The following COPRS variants were observed in gnomAD, a reference collection of about 807,000 sequenced individuals.
The protein encoded by COPRS is cooperator of PRMT5.
A neutral mutation model predicts 19.9 loss-of-function variants in COPRS; 11 were observed. That is an observed-to-expected ratio of 0.55 (90% CI 0.35 to 0.92). The LOEUF is 0.92. Among genes scored for constraint, COPRS ranks in the 40% least tolerant of loss-of-function variants. The probability of loss-of-function intolerance (pLI) is 0.01; values close to 1 mark genes in which losing one functional copy is unlikely to be tolerated. For missense variants in COPRS, 225 were observed against 229.9 expected (o/e 0.98, Z 0.14); for synonymous variants, 81 against 82.7 (o/e 0.98, Z 0.11).
intron 2 of COPRS, among the ~76,000 whole-genome samples, chr17:31,855,503 A>AC (rs1399532926): frequency 6.6e-6 from 1 of 151,200 alleles, no homozygotes; most frequent in African/African-American, 2.4e-5. Flanking sequence ...CGTCTCAAAA[A>AC]ATAAATAAAT....
rs558106997 is a variant in COPRS at position 31,855,247 on chromosome 17, C to G, written c.166+1552G>C. On this transcript the variant is annotated intron_variant, in intron 2 of 3. Transcript: ENST00000302362. The stretch of plus-strand genomic sequence containing the variant: ...AAAAATTAGGCCGGGAGCAGTGGCT[C>G]ACGCCTGTAATCCCAGCACTTTGGG... Among the ~76,000 whole-genome samples, 7 of 152,222 alleles carry G rather than the reference C, an allele frequency of 4.6e-5. No individual in the cohort carries two copies. The South Asian group carries it at 1.2e-3, about 27-fold the overall frequency.
chr17:31,855,384 G>A (rs1407852815), intron 2 of COPRS, among the ~76,000 whole-genome samples: 1 of 152,184 alleles, frequency 6.6e-6, no homozygotes, highest in African/African-American at 2.4e-5. Flanking sequence ...GCGGGTGCCT[G>A]TGGTCCCAGC....
chr17:31,851,981 G>A lies in COPRS; in HGVS notation c.*158C>T, dbSNP rs1909177654. 1.4e-6 allele frequency: 1 copy of A among 702,824 alleles called. No homozygotes were observed. Among genetic ancestry groups the A allele is most frequent in the Admixed American group, 2.9e-5 (1 of 34,000 alleles). 43.5% of individuals were successfully genotyped at this position (702,824 alleles called of 1,614,324 possible). On this transcript the variant is annotated 3_prime_UTR_variant, in exon 4 of 4. Coordinates refer to ENST00000302362, the MANE Select transcript of COPRS (RefSeq NM_018405.4). ...CAACAACAGACTGGCGAGAATGACG[G>A]GGCCTTATTGAACACTGTCAATAAG...
In COPRS at chr17:31,852,188, T is replaced by C. The variant is rs754791467; in HGVS notation, c.506A>G (p.Tyr169Cys). Reference sequence around the variant, plus strand: ...TCCTGTTTCAAAGACCATCTTGGAATAATAGGGTATCAGTGGAGGCGGATG... The same window carrying C: ...TCCTGTTTCAAAGACCATCTTGGAACAATAGGGTATCAGTGGAGGCGGATG... Reference protein sequence around the residue: ...WHHPPPLIPYYSKMVFETGQF... With the variant: ...WHHPPPLIPYCSKMVFETGQF... Residue 169 changes from tyrosine (Y) to cysteine (C), a missense_variant, in exon 4 of 4, where the codon TAT becomes TGT. Tyr to Cys is a radical substitution (Grantham distance 194). Coordinates refer to ENST00000302362, the MANE Select transcript of COPRS (RefSeq NM_018405.4). 3.1e-6 allele frequency: 5 copies of C among 1,614,022 alleles called. No individual in the cohort carries two copies. In the African/African-American group the frequency reaches 5.3e-5, roughly 17 times the overall value.
In COPRS at chr17:31,856,205, C is replaced by T. The variant is rs367747298; in HGVS notation, c.166+594G>A. On this transcript the variant is annotated intron_variant, in intron 2 of 3. Coordinates refer to ENST00000302362, the MANE Select transcript of COPRS (RefSeq NM_018405.4). ...CAAAAGTTAGCTGGGTGTGGTGGCG[C>T]GTGCCTGTAGTTCCAGCTACTCGGG... Among the ~76,000 whole-genome samples the T allele has an allele frequency of 4.4e-4, 66 of 151,212 alleles. 1 individual carries two copies. In the South Asian group the frequency reaches 0.012, roughly 27 times the overall value.
In COPRS at chr17:31,852,799, A is replaced by C. The variant is rs1023356919; in HGVS notation, c.385+13T>G. 6.3e-7 allele frequency: 1 copy of C among 1,597,464 alleles called. No homozygotes were observed. Among genetic ancestry groups the C allele is most frequent in the African/African-American group, 1.3e-5 (1 of 74,400 alleles). Reference sequence around the variant, plus strand: ...AAGGCCTAGTTCAGGACCCCCAGAGACTCCACACCTACCATATGGATTCCC... The same window carrying C: ...AAGGCCTAGTTCAGGACCCCCAGAGCCTCCACACCTACCATATGGATTCCC... On this transcript the variant is annotated intron_variant, in intron 3 of 3. Coordinates refer to ENST00000302362, the MANE Select transcript of COPRS (RefSeq NM_018405.4).
chr17:31,854,187 C>T (rs2344310), intron 2 of COPRS, among the ~76,000 whole-genome samples: 99,035 of 151,350 alleles, frequency 0.65, 32,808 homozygotes, highest in Non-Finnish European at 0.71. Flanking sequence ...TGAACAATGT[C>T]GCAAACCCTG....
At chr17:31,852,570 TAGC>T (rs1909198861) in intron 3 of COPRS, among the ~76,000 whole-genome samples, 1 of 152,196 alleles carries the variant, frequency 6.6e-6, no homozygotes, top group African/African-American at 2.4e-5. Context: ...GCTCAATTCA[TAGC>T]AGAGATTTTT....
intron 2 of COPRS, among the ~76,000 whole-genome samples, chr17:31,854,143 T>C (rs1909249741): frequency 6.6e-6 from 1 of 151,862 alleles, no homozygotes; most frequent in African/African-American, 2.4e-5. Flanking sequence ...CCAAGGTGGG[T>C]GGACTGCTTG....
At chr17:31,856,329 G>A (rs570039328) in intron 2 of COPRS, among the ~76,000 whole-genome samples, 4 of 151,030 alleles carry the variant, frequency 2.6e-5, no homozygotes, top group South Asian at 2.1e-4. Flanking sequence ...GCGAGACTCC[G>A]TTTCAAAAAA....
In COPRS at chr17:31,852,250, G is replaced by C. The variant is rs1449838410; in HGVS notation, c.444C>G (p.Ala148=). 6.2e-7 allele frequency: 1 copy of C among 1,613,988 alleles called. No homozygotes were observed. The highest frequency in any genetic ancestry group is 1.3e-5 in the African/African-American group (1 of 75,002). ...GGTCATAGATCATGTCTCCTTGTGG[G>C]GCACAGCACACCCAAGGTTTAAGCT... ...SQELKPWVCC[A]PQGDMIYDPS... The change falls in exon 4 of 4, where the codon GCC becomes GCG. Residue 148 remains alanine, a synonymous_variant. Coordinates refer to ENST00000302362, the MANE Select transcript of COPRS (RefSeq NM_018405.4).
At chr17:31,854,712 G>C (rs146892376) in intron 2 of COPRS, among the ~76,000 whole-genome samples, 91 of 152,266 alleles carry the variant, frequency 6.0e-4, no homozygotes, top group African/African-American at 2.1e-3. Flanking sequence ...GACACAAAAG[G>C]CCACATATTG....
chr17:31,856,840 G>C lies in COPRS; in HGVS notation c.125C>G (p.Ser42Cys), dbSNP rs755216851. The C allele has an allele frequency of 1.9e-6, 3 of 1,606,766 alleles. No homozygotes were observed. Among genetic ancestry groups the C allele is most frequent in the Non-Finnish European group, 2.6e-6 (3 of 1,174,420 alleles). The change falls in exon 2 of 4, where the codon TCC becomes TGC. Residue 42 changes from serine to cysteine, a missense_variant. Around this residue, in one of 3 missense-constraint regions of COPRS, gnomAD observed 4 missense variants for 19.2 expected, o/e 0.21. Transcript: ENST00000302362. ...CTTCTCAGTCTCTCTCTCCTGACTG[G>C]AGTGGTCAGCTGTAGCAAAGCCAGC... ...PEAGFATADH[S>C]SQERETEKAM...
chr17:31,856,907 G>A (rs1909374764), intron 1 of COPRS, 42 bp from the exon 2 acceptor site: 3 of 1,245,966 alleles, frequency 2.4e-6, no homozygotes, highest in South Asian at 1.2e-5. Context: ...TGGGTATCTG[G>A]GGTATGCCCA....
Position 31,852,981 on chromosome 17 carries a change from G to A in COPRS, c.216C>T (p.Gly72=). The A allele has an allele frequency of 6.2e-7, 1 of 1,614,146 alleles. No individual in the cohort carries two copies. The highest frequency in any genetic ancestry group is 8.5e-7 in the Non-Finnish European group (1 of 1,179,982). Residue 72 remains glycine (G), a synonymous_variant, in exon 3 of 4, where the codon GGC becomes GGT. Transcript: ENST00000302362. ...IPNDSPARGE[G]THSEEEGFAM... is the part of the protein sequence containing the mutation. ...CAAAGCCTTCCTCTTCAGAATGGGT[G>A]CCCTCACCCCGGGCAGGACTGTCAT...
chr17:31,852,837 C>T lies in COPRS; in HGVS notation c.360G>A (p.Leu120=), dbSNP rs754103090. ...DLFNEDWDSE[L]KADQGNPYDA... Reference sequence around the variant, plus strand: ...CATATGGATTCCCTTGATCTGCTTTCAACTCCGAGTCCCAGTCCTCATTAA... The same window carrying T: ...CATATGGATTCCCTTGATCTGCTTTTAACTCCGAGTCCCAGTCCTCATTAA... The change falls in exon 3 of 4, where the codon TTG becomes TTA. Residue 120 remains leucine, a synonymous_variant. Transcript: ENST00000302362. 6.2e-7 allele frequency: 1 copy of T among 1,614,100 alleles called. No homozygotes were observed.
At chr17:31,854,000 A>T (rs1338726693) in intron 2 of COPRS, among the ~76,000 whole-genome samples, 1 of 152,206 alleles carries the variant, frequency 6.6e-6, no homozygotes, top group African/African-American at 2.4e-5. Flanking sequence ...AGTGATAAGC[A>T]ATAAAGTGAT....
chr17:31,852,348 AG>A (rs1567768449), intron 3 of COPRS, 40 bp from the exon 4 acceptor site: 1 of 1,534,580 alleles, frequency 6.5e-7, no homozygotes, highest in African/African-American at 1.4e-5. Flanking sequence ...GGAAGGAAGG[AG>A]GGAAGGAAGG....
In COPRS at chr17:31,852,854, C is replaced by A. The variant is rs1417990975; in HGVS notation, c.343G>T (p.Asp115Tyr). The A allele has an allele frequency of 1.2e-6, 2 of 1,614,182 alleles. No homozygotes were observed. The highest frequency in any genetic ancestry group is 1.7e-5 in the Admixed American group (1 of 60,010). Reference protein sequence around the residue: ...KEQPGDLFNEDWDSELKADQG... With the variant: ...KEQPGDLFNEYWDSELKADQG... ...TCTGCTTTCAACTCCGAGTCCCAGTCCTCATTAAAAAGATCGCCAGGCTGT... is the reference window on the plus strand; with the variant it reads ...TCTGCTTTCAACTCCGAGTCCCAGTACTCATTAAAAAGATCGCCAGGCTGT... The change falls in exon 3 of 4, where the codon GAC (aspartate) becomes TAC (tyrosine). Residue 115 changes from aspartate (D) to tyrosine (Y), a missense_variant. Asp to Tyr is a radical substitution (Grantham distance 160). Around this residue, in one of 3 missense-constraint regions of COPRS, gnomAD observed 170 missense variants for 171.4 expected, o/e 0.99. Transcript: ENST00000302362.
Sources: gnomAD v4.1 joint callset for allele counts (sites outside exome capture counted in the v4.1 genomes callset) on GRCh38, gnomAD v4.1.1 for gene constraint, gnomAD v4.1.1 regional missense constraint, MANE v1.5 for transcripts, NCBI Gene and HGNC (gene_info 2026-07-23, HGNC 2026-07-21) for gene names.